Variants in ACHE observed in about 807,000 individuals in gnomAD.
The protein encoded by ACHE is acetylcholinesterase (Yt blood group).
A neutral mutation model predicts 53.9 loss-of-function variants in ACHE; 19 were observed. The observed-to-expected ratio is 0.35, with a 90% CI of 0.25 to 0.52. The LOEUF is 0.52. Ranked by LOEUF, ACHE falls within the 20% of genes least tolerant of loss-of-function variation. The pLI is 0.95. For missense variants in ACHE, 605 were observed against 849.4 expected (o/e 0.71, Z 3.58); for synonymous variants, 392 against 378.1 (o/e 1.04, Z -0.43).
intron 4 of ACHE, chr7:100,890,803 G>A: frequency 2.2e-6 from 3 of 1,361,694 alleles, no homozygotes; most frequent in Non-Finnish European, 2.8e-6. Context: ...AAGGGTGGGA[G>A]GCACGGCCCC....
rs17880615 is a variant in ACHE at position 100,895,275 on chromosome 7, G to A, written c.-21+527C>T. Among the ~76,000 whole-genome samples the A allele has an allele frequency of 3.7e-3, 559 of 152,296 alleles. 4 individuals carry two copies. The highest frequency in any genetic ancestry group is 0.013 in the African/African-American group (541 of 41,572). ...CTGAGCGGGGGGTGGTGGTGCTGCT[G>A]GAGATTAACTAGGAAACCCGAGTGG... On this transcript the variant is annotated intron_variant, in intron 1 of 4. Transcript: ENST00000241069.
In ACHE at chr7:100,894,335, G is replaced by T. The variant is rs926034643; in HGVS notation, c.-20-83C>A. The stretch of plus-strand genomic sequence containing the variant: ...AGATTAGGGCACTGTCGGCCCAAGG[G>T]TTATCGCTCAGCTGCAGAGGAGGTG... On this transcript the variant is annotated intron_variant, in intron 1 of 4. Coordinates refer to ENST00000241069, the MANE Select transcript of ACHE (RefSeq NM_000665.5). 7.0e-6 allele frequency: 7 copies of T among 1,001,824 alleles called. No individual in the cohort carries two copies. In the African/African-American group the frequency reaches 8.4e-5, roughly 12 times the overall value. The allele number at this position is 1,001,824 out of a possible 1,614,324, so 62.1% of individuals were successfully genotyped here. A position where few individuals can be genotyped will look rare whatever the true frequency, so the allele number is the denominator to read the frequency against.
At chr7:100,890,849 TGAG>T (rs1187418557) in intron 4 of ACHE, 1 of 1,431,090 alleles carries the variant, frequency 7.0e-7, no homozygotes, top group Admixed American at 3.2e-5. Context: ...TCTCTCGGTT[TGAG>T]GAGGAAGGGA....
chr7:100,894,343 T>C, intron 1 of ACHE, 91 bp from the exon 2 acceptor site: 1 of 898,038 alleles, frequency 1.1e-6, no homozygotes, highest in South Asian at 2.9e-5. Flanking sequence ...GGGTTATCGC[T>C]CAGCTGCAGA....
At chr7:100,895,458 C>T (rs560807622) in intron 1 of ACHE, among the ~76,000 whole-genome samples, 38 of 152,214 alleles carry the variant, frequency 2.5e-4, no homozygotes, top group African/African-American at 8.7e-4. Context: ...GTGCCCAGCC[C>T]GGCGCCGGGA....
rs778158615 is a variant in ACHE at position 100,893,194 on chromosome 7, T to C, written c.1039A>G (p.Ile347Val). 9 of 1,613,864 alleles carry C rather than the reference T, an allele frequency of 5.6e-6. No individual in the cohort carries two copies. The highest frequency in any genetic ancestry group is 7.6e-6 in the Non-Finnish European group (9 of 1,180,018). The change falls in exon 2 of 5, where the codon ATC becomes GTC. Residue 347 changes from isoleucine (I) to valine (V), a missense_variant. Transcript: ENST00000241069. ...DFLSDTPEAL[I>V]NAGDFHGLQV... ...AGGCCGTGGAAGTCTCCCGCGTTGA[T>C]GAGGGCCTCTGGGGTGTCACTGAGG... is the stretch of plus-strand genomic sequence containing the variant.
At position 100,892,825 on chromosome 7, in the gene ACHE, G is replaced by T. The variant is rs1446709895; in HGVS notation, c.1069-7C>A. ...TCACCACACCCACCAGCACCTGGGG[G>T]TGAGGGAGAGGGGGGTGGGATGGAG... On this transcript the variant is annotated splice_polypyrimidine_tract_variant and splice_region_variant and intron_variant, in intron 2 of 4. Coordinates refer to ENST00000241069, the MANE Select transcript of ACHE (RefSeq NM_000665.5). The surrounding 1 kb of genome is among the most constrained non-coding windows in gnomAD (Gnocchi z 5.2). 1 of 1,566,166 alleles carries T rather than the reference G, an allele frequency of 6.4e-7. No individual in the cohort carries two copies. Among genetic ancestry groups the T allele is most frequent in the South Asian group, 1.1e-5 (1 of 87,472 alleles).
chr7:100,895,147 A>G (rs1790970650), intron 1 of ACHE, among the ~76,000 whole-genome samples: 1 of 151,932 alleles, frequency 6.6e-6, no homozygotes, highest in Admixed American at 6.5e-5. Context: ...TTTTGGGGGC[A>G]GCAGCTGCTA....
At chr7:100,890,732 T>G in intron 4 of ACHE, 1 of 1,334,122 alleles carries the variant, frequency 7.5e-7, no homozygotes, top group Non-Finnish European at 9.6e-7. Context: ...AAGATAATTT[T>G]ATAAAAGAAT....
Position 100,891,161 on chromosome 7 carries a change from C to T in ACHE, c.1723+8G>A. 9.4e-6 allele frequency: 15 copies of T among 1,598,218 alleles called. No individual in the cohort carries two copies. Among genetic ancestry groups the T allele is most frequent in the Non-Finnish European group, 1.3e-5 (15 of 1,173,410 alleles). ...CCTCCCAGCCGCTGCCCGCTGGCCC[C>T]TGCATACCGGTGGCGCTGAGCAATT... is the stretch of plus-strand genomic sequence containing the variant. On this transcript the variant is annotated splice_region_variant and intron_variant, in intron 4 of 4. Transcript: ENST00000241069.
Position 100,894,168 on chromosome 7 carries a change from A to G in ACHE, c.65T>C (p.Leu22Pro). 6.8e-7 allele frequency: 1 copy of G among 1,480,696 alleles called. No individual in the cohort carries two copies. The highest frequency in any genetic ancestry group is 8.9e-7 in the Non-Finnish European group (1 of 1,121,718). The allele number at this position is 1,480,696 out of a possible 1,614,324, so 91.7% of individuals were successfully genotyped here. A position where few individuals can be genotyped will look rare whatever the true frequency, so the allele number is the denominator to read the frequency against. The part of the protein sequence containing the change: ...SLASPLLLLL[L>P]WLLGGGVGAE... ...CCCCACTCCTCCACCCAGGAGCCAG[A>G]GGAGGAGGAGAAGGAGTGGGGAAGC... Residue 22 changes from leucine (L) to proline (P), a missense_variant, in exon 2 of 5, where the codon CTC (leucine) becomes CCC (proline). Coordinates refer to ENST00000241069, the MANE Select transcript of ACHE (RefSeq NM_000665.5).
At position 100,893,354 on chromosome 7, in the gene ACHE, A is replaced by C. The variant is rs956444143; in HGVS notation, c.879T>G (p.Thr293=). 3 of 1,613,706 alleles carry C rather than the reference A, an allele frequency of 1.9e-6. No homozygotes were observed. Among genetic ancestry groups the C allele is most frequent in the Non-Finnish European group, 2.5e-6 (3 of 1,180,012 alleles). ...CTACCAGCTCTGTGTCATTCCCACC[A>C]GTGCCGCCTGGAGGACAGCCCACAA... ...AHLVGCPPGG[T]GGNDTELVAC... The change falls in exon 2 of 5, where the codon ACT becomes ACG. Residue 293 remains threonine (T), a synonymous_variant. Transcript: ENST00000241069.
intron 4 of ACHE, 170 bp from the exon 5 acceptor site, chr7:100,890,505 C>A: frequency 1.4e-6 from 2 of 1,433,250 alleles, no homozygotes; most frequent in Non-Finnish European, 1.8e-6. Flanking sequence ...GTGCGAAAGA[C>A]GAGAGGGAGG....
Position 100,892,660 on chromosome 7 carries a change from C to T in ACHE, c.1227G>A (p.Val409=). ...GCAGCCAGTCTGTGTAATGCAGGAC[C>T]ACAGCCTCGGCTGCCAGGTCACTTA... ...PQVSDLAAEA[V]VLHYTDWLHP... is the part of the protein sequence containing the mutation. The change falls in exon 3 of 5, where the codon GTG becomes GTA. Residue 409 remains valine (V), a synonymous_variant. Transcript: ENST00000241069. The surrounding 1 kb of genome is among the most constrained non-coding windows in gnomAD (Gnocchi z 5.2). 1 of 1,613,572 alleles carries T rather than the reference C, an allele frequency of 6.2e-7. No homozygotes were observed.
intron 4 of ACHE, chr7:100,890,866 C>T: frequency 6.9e-7 from 1 of 1,451,612 alleles, no homozygotes; most frequent in Non-Finnish European, 9.1e-7. Flanking sequence ...GAAGGGAGCA[C>T]TAGGTCTGAG....
chr7:100,890,118 T>A lies in ACHE; in HGVS notation c.*96A>T. 1 of 1,482,944 alleles carries A rather than the reference T, an allele frequency of 6.7e-7. No homozygotes were observed. The highest frequency in any genetic ancestry group is 9.1e-7 in the Non-Finnish European group (1 of 1,098,302). 91.9% of individuals were successfully genotyped at this position (1,482,944 alleles called of 1,614,324 possible). A position where few individuals can be genotyped will look rare whatever the true frequency, so the allele number is the denominator to read the frequency against. On this transcript the variant is annotated 3_prime_UTR_variant, in exon 5 of 5. Coordinates refer to ENST00000241069, the MANE Select transcript of ACHE (RefSeq NM_000665.5). ...CGGGGTGGGGTGGGGATGGGCAGAGTCTGGGGCTCGTCTGTGTTATAGCCC... is the reference window on the plus strand; with the variant it reads ...CGGGGTGGGGTGGGGATGGGCAGAGACTGGGGCTCGTCTGTGTTATAGCCC...
Position 100,892,874 on chromosome 7 carries a change from G to GA in ACHE, c.1069-57dup. The GA allele has an allele frequency of 6.7e-7, 1 of 1,488,858 alleles. No individual in the cohort carries two copies. Among genetic ancestry groups the GA allele is most frequent in the Non-Finnish European group, 8.9e-7 (1 of 1,119,708 alleles). 92.2% of individuals were successfully genotyped at this position (1,488,858 alleles called of 1,614,324 possible). On this transcript the variant is annotated intron_variant, in intron 2 of 4. Transcript: ENST00000241069. The surrounding 1 kb of genome is among the most constrained non-coding windows in gnomAD (Gnocchi z 5.2). ...AGCGACAGGCACAGACAGACAAGTA[G>GA]ACAGAAACAGATGGACAGACAAAGA... is the stretch of plus-strand genomic sequence containing the variant.
intron 4 of ACHE, 115 bp downstream of exon 4, chr7:100,891,054 G>C: frequency 6.7e-7 from 1 of 1,488,288 alleles, no homozygotes. Flanking sequence ...CCTCCCCATG[G>C]GTGAAGCCTG....
In ACHE at chr7:100,891,257, G is replaced by A. The variant is rs750386139; in HGVS notation, c.1635C>T (p.Asp545=). The A allele has an allele frequency of 6.2e-7, 1 of 1,611,344 alleles. No individual in the cohort carries two copies. The highest frequency in any genetic ancestry group is 8.5e-7 in the Non-Finnish European group (1 of 1,179,696). The change falls in exon 4 of 5, where the codon GAC becomes GAT. Residue 545 remains aspartate, a synonymous_variant. Coordinates refer to ENST00000241069, the MANE Select transcript of ACHE (RefSeq NM_000665.5). ...CCCGCCGCACCTCCAGCGGCCGCAGGTCCAGACTAACGTACTGCTGAGCCC... is the reference window on the plus strand; with the variant it reads ...CCCGCCGCACCTCCAGCGGCCGCAGATCCAGACTAACGTACTGCTGAGCCC... ...TAGAQQYVSL[D]LRPLEVRRGL...
Sources: gnomAD v4.1 joint callset for allele counts (sites outside exome capture counted in the v4.1 genomes callset) on GRCh38, gnomAD v4.1.1 for gene constraint, Gnocchi (gnomAD v3.1) non-coding constraint, MANE v1.5 for transcripts, NCBI Gene and HGNC (gene_info 2026-07-23, HGNC 2026-07-21) for gene names.